Variants in CDC42BPB observed in about 807,000 individuals in gnomAD.
The protein encoded by CDC42BPB is serine/threonine-protein kinase MRCK beta.
A neutral mutation model predicts 214.9 loss-of-function variants in CDC42BPB; 37 were observed. That is an observed-to-expected ratio of 0.17 (90% confidence interval 0.13 to 0.23). The LOEUF (loss-of-function observed/expected upper bound fraction) is 0.23. Among genes scored for constraint, CDC42BPB ranks in the 10% least tolerant of loss-of-function variants. CDC42BPB has a pLI of 1.00. For synonymous variants in CDC42BPB, 931 were observed against 884.0 expected, an observed-to-expected ratio of 1.05 and a Z score of -0.94; for missense variants, 1,694 against 2,227.0, an observed-to-expected ratio of 0.76 and a Z score of 4.82.
chr14:103,036,572 A>G (rs1180155876), intron 1 of CDC42BPB, among the ~76,000 whole-genome samples: 1 of 152,216 alleles, frequency 6.6e-6, no homozygotes, highest in Non-Finnish European at 1.5e-5. Flanking sequence ...GACTATCTAC[A>G]GACTACTCCT....
chr14:102,952,512 C>A lies in CDC42BPB; in HGVS notation c.3158G>T (p.Gly1053Val). ...ACGACACTCACCCTCGCAGGCGTAG[C>A]CCTGCCGGATCAGCCCAACCATCAG... ...TSLMVGLIRQ[G>V]YACEVCSFAC... is the part of the protein sequence containing the mutation. The change falls in exon 24 of 37, where the codon GGC becomes GTC. Residue 1053 changes from glycine to valine, a missense_variant. Around this residue, in one of 7 missense-constraint regions of CDC42BPB, gnomAD observed 567 missense variants for 790.3 expected, o/e 0.72. Coordinates refer to ENST00000361246, the MANE Select transcript of CDC42BPB (RefSeq NM_006035.4). 1 of 1,609,278 alleles carries A rather than the reference C, an allele frequency of 6.2e-7. No individual in the cohort carries two copies. The highest frequency in any genetic ancestry group is 8.5e-7 in the Non-Finnish European group (1 of 1,176,002).
rs1311070092 is a variant in CDC42BPB, at chr14:102,939,844, T to C, written c.4695A>G (p.Arg1565=). Residue 1565 remains arginine (R), a synonymous_variant, in exon 33 of 37, where the codon AGA becomes AGG. Coordinates refer to ENST00000361246, the MANE Select transcript of CDC42BPB (RefSeq NM_006035.4). ...CCCGCTCCTACCGCCTCTGCTGCAG[T>C]CTCTCTTCCTCTGGGACCTTGAAGA... ...RFVFKVPEEE[R]LQQRREMLRD... The C allele has an allele frequency of 1.9e-6, 3 of 1,614,034 alleles. No homozygotes were observed. The highest frequency in any genetic ancestry group is 2.5e-6 in the Non-Finnish European group (3 of 1,180,024).
chr14:103,008,898 C>A (rs958647791), intron 2 of CDC42BPB, among the ~76,000 whole-genome samples: 1 of 152,192 alleles, frequency 6.6e-6, no homozygotes, highest in Non-Finnish European at 1.5e-5. Flanking sequence ...CACTGTGGGG[C>A]ACAGTCAGCA....
chr14:102,941,539 T>G (rs1891888913), intron 30 of CDC42BPB: 2 of 985,448 alleles, frequency 2.0e-6, no homozygotes, highest in Non-Finnish European at 2.4e-6. Context: ...CCCCAGACAC[T>G]GCCCTTCAGG....
At chr14:103,034,440 G>A (rs182289996) in intron 1 of CDC42BPB, among the ~76,000 whole-genome samples, 1 of 152,304 alleles carries the variant, frequency 6.6e-6, no homozygotes, top group South Asian at 2.1e-4. Context: ...TATAAATGCA[G>A]TATTTTAAGC....
intron 3 of CDC42BPB, among the ~76,000 whole-genome samples, chr14:103,005,801 C>T (rs771198491): frequency 6.6e-6 from 1 of 152,076 alleles, no homozygotes; most frequent in Non-Finnish European, 1.5e-5. Context: ...GCAGACGGAT[C>T]GCGAGGTCAG....
At chr14:103,032,933 TAAA>T (rs993368004) in intron 1 of CDC42BPB, among the ~76,000 whole-genome samples, 1 of 141,334 alleles carries the variant, frequency 7.1e-6, no homozygotes. Context: ...CCACTTTTTT[TAAA>T]AAAAAAAAAA....
intron 13 of CDC42BPB, among the ~76,000 whole-genome samples, chr14:102,971,127 T>C (rs1595479844): frequency 6.6e-6 from 1 of 152,164 alleles, no homozygotes; most frequent in East Asian, 1.9e-4. Context: ...CTTCATGTAC[T>C]TTATCCAGAA....
At chr14:102,939,582 G>T in intron 34 of CDC42BPB, 28 bp downstream of exon 34, 1 of 1,536,762 alleles carries the variant, frequency 6.5e-7, no homozygotes, top group Non-Finnish European at 9.0e-7. Context: ...GGGGTGCCCT[G>T]CCCGCCCTAT....
chr14:103,032,798 A>G (rs764614002), intron 1 of CDC42BPB, among the ~76,000 whole-genome samples: 6 of 151,636 alleles, frequency 4.0e-5, no homozygotes, highest in Admixed American at 6.6e-5. Context: ...ACGCCTGGCT[A>G]ATTTTTATAT....
intron 1 of CDC42BPB, among the ~76,000 whole-genome samples, chr14:103,022,894 C>T (rs1375338396): frequency 6.7e-6 from 1 of 149,194 alleles, no homozygotes; most frequent in Non-Finnish European, 1.5e-5. Context: ...ATGGGCTCAC[C>T]CACCCCCCTC....
Position 102,944,519 on chromosome 14 carries a change from A to T in CDC42BPB, c.3812-32T>A. On this transcript the variant is annotated intron_variant, in intron 29 of 36. Coordinates refer to ENST00000361246, the MANE Select transcript of CDC42BPB (RefSeq NM_006035.4). The surrounding 1 kb of genome is among the most constrained non-coding windows in gnomAD (Gnocchi z 6.6). ...CAAGGAGGACAAGAGCGTGAGGCCG[A>T]CGGGACAGCCAGCAGCTCCCAGGGG... 6.3e-7 allele frequency: 1 copy of T among 1,588,662 alleles called. No individual in the cohort carries two copies.
At chr14:103,056,932 G>C (rs1889015135) in intron 1 of CDC42BPB, 67 bp downstream of exon 1, 1 of 1,150,920 alleles carries the variant, frequency 8.7e-7, no homozygotes. Flanking sequence ...GGGCGGGCGT[G>C]GGGATGCGCG....
intron 1 of CDC42BPB, among the ~76,000 whole-genome samples, chr14:103,021,953 T>C (rs1886800311): frequency 6.6e-6 from 1 of 152,104 alleles, no homozygotes; most frequent in Non-Finnish European, 1.5e-5. Flanking sequence ...ACGCTGGAGT[T>C]GCCTGCATGG....
At chr14:103,022,600 C>CTTT (rs1886831924) in intron 1 of CDC42BPB, among the ~76,000 whole-genome samples, 1 of 152,150 alleles carries the variant, frequency 6.6e-6, no homozygotes, top group Non-Finnish European at 1.5e-5. Flanking sequence ...TTGGCATAGA[C>CTTT]GGAAAGCTGG....
At chr14:103,045,251 T>TA (rs1448471071) in intron 1 of CDC42BPB, among the ~76,000 whole-genome samples, 3 of 152,308 alleles carry the variant, frequency 2.0e-5, no homozygotes, top group Non-Finnish European at 4.4e-5. Flanking sequence ...TTTATGTTTT[T>TA]AGAGAATGAT....
At chr14:102,966,238 C>A in intron 18 of CDC42BPB, 44 bp downstream of exon 18, 1 of 1,376,942 alleles carries the variant, frequency 7.3e-7, no homozygotes, top group Non-Finnish European at 1.0e-6. Flanking sequence ...AAACCATTAG[C>A]GAATTATTCA....
intron 1 of CDC42BPB, among the ~76,000 whole-genome samples, chr14:103,029,854 T>C (rs1595167640): frequency 1.2e-5 from 1 of 85,444 alleles, no homozygotes; most frequent in Non-Finnish European, 2.0e-5. Flanking sequence ...GGAGACTCCA[T>C]CTCCAAAAAA....
intron 18 of CDC42BPB, 137 bp from the exon 19 acceptor site, chr14:102,964,787 G>T (rs1595472946): frequency 3.1e-6 from 4 of 1,307,790 alleles, no homozygotes; most frequent in Non-Finnish European, 2.9e-6. Context: ...TTATGGAGGT[G>T]CCTCAGGAGT....
Sources: gnomAD v4.1 joint callset for allele counts (sites outside exome capture counted in the v4.1 genomes callset) on GRCh38, gnomAD v4.1.1 for gene constraint, gnomAD v4.1.1 regional missense constraint, Gnocchi (gnomAD v3.1) non-coding constraint, MANE v1.5 for transcripts, NCBI Gene and HGNC (gene_info 2026-07-23, HGNC 2026-07-21) for gene names.